The following ABCA8 variants were observed in gnomAD, a reference collection of about 807,000 sequenced individuals.
The protein encoded by ABCA8 is ATP binding cassette subfamily A member 8.
A neutral mutation model predicts 192.3 loss-of-function variants in ABCA8; 177 were observed. The observed-to-expected ratio is 0.92, with a 90% CI of 0.81 to 1.04. The LOEUF (loss-of-function observed/expected upper bound fraction) is 1.04. Among genes scored for constraint, ABCA8 ranks in the 50% least tolerant of loss-of-function variants. The pLI is 0.00. For missense variants in ABCA8, 1,915 were observed against 1,904.8 expected (o/e 1.01, Z -0.10); for synonymous variants, 642 against 690.2 (o/e 0.93, Z 1.09).
chr17:68,923,200 A>ATTT, intron 11 of ABCA8, among the ~76,000 whole-genome samples: 1 of 108,314 alleles, frequency 9.2e-6, no homozygotes, highest in Middle Eastern at 5.1e-3. Flanking sequence ...TATTATTATT[A>ATTT]TTATTATTTT....
At chr17:68,947,917 C>T (rs2068456875) in intron 2 of ABCA8, among the ~76,000 whole-genome samples, 1 of 151,970 alleles carries the variant, frequency 6.6e-6, no homozygotes, top group Non-Finnish European at 1.5e-5. Context: ...CTCAACAGGC[C>T]CTGGTGTGCA....
intron 21 of ABCA8, among the ~76,000 whole-genome samples, chr17:68,896,101 T>C (rs575766656): frequency 2.5e-4 from 37 of 150,782 alleles, no homozygotes; most frequent in African/African-American, 9.0e-4. Context: ...ATAAGAACAG[T>C]ATGTGCTGAA....
chr17:68,922,661 C>T (rs977649496), intron 11 of ABCA8, among the ~76,000 whole-genome samples: 3 of 152,110 alleles, frequency 2.0e-5, no homozygotes, highest in Admixed American at 6.6e-5. Flanking sequence ...ATTCGATACC[C>T]AAAGGCTCCT....
intron 21 of ABCA8, among the ~76,000 whole-genome samples, chr17:68,900,308 A>G (rs1035460477): frequency 2.0e-5 from 3 of 152,084 alleles, no homozygotes; most frequent in African/African-American, 7.2e-5. Flanking sequence ...AAAATGGAAT[A>G]TGTTTGTGTA....
At chr17:68,887,174 A>G (rs1296554821) in intron 25 of ABCA8, 44 bp from the exon 26 acceptor site, 10 of 1,439,348 alleles carry the variant, frequency 6.9e-6, no homozygotes, top group Non-Finnish European at 9.5e-6. Flanking sequence ...TACAAATGCA[A>G]TCAAGGAAAA....
chr17:68,876,390 A>G (rs917792065), intron 35 of ABCA8, 70 bp downstream of exon 35: 3 of 1,593,346 alleles, frequency 1.9e-6, no homozygotes, highest in Non-Finnish European at 1.7e-6. Flanking sequence ...CAATTTTTAC[A>G]GAAGAAAAAT....
At chr17:68,945,151 G>A (rs1029937443) in intron 2 of ABCA8, among the ~76,000 whole-genome samples, 1 of 151,954 alleles carries the variant, frequency 6.6e-6, no homozygotes, top group Non-Finnish European at 1.5e-5. Flanking sequence ...GGTGGAACAG[G>A]AACACAGAGA....
chr17:68,876,517 A>T lies in ABCA8; in HGVS notation c.4313T>A (p.Val1438Glu). The change falls in exon 35 of 40, where the codon GTG becomes GAG. Residue 1438 changes from valine to glutamate, a missense_variant. Val to Glu is a moderately radical substitution (Grantham distance 121, BLOSUM62 -2). Transcript: ENST00000586539. ...FVLSILGNPS[V>E]VLLDEPSTGM... ...GGTCGACGGCTCATCCAGAAGCACC[A>T]CTGACGGGTTCCCCAGTATGCTCAG... The T allele has an allele frequency of 6.2e-7, 1 of 1,613,984 alleles. No individual in the cohort carries two copies. The highest frequency in any genetic ancestry group is 8.5e-7 in the Non-Finnish European group (1 of 1,179,946).
chr17:68,884,338 A>G lies in ABCA8; in HGVS notation c.3608T>C (p.Phe1203Ser). 6.3e-7 allele frequency: 1 copy of G among 1,583,770 alleles called. No homozygotes were observed. Among genetic ancestry groups the G allele is most frequent in the Non-Finnish European group, 8.5e-7 (1 of 1,170,764 alleles). ...ERMDVQPFLVFLIPFLHFIIF... is the reference protein window; with the variant it reads ...ERMDVQPFLVSLIPFLHFIIF... ...AGAACAGTGTGTTCTTACAATTAGGAATACCAGAAATGGCTGTACATCCAT... is the reference window on the plus strand; with the variant it reads ...AGAACAGTGTGTTCTTACAATTAGGGATACCAGAAATGGCTGTACATCCAT... The change falls in exon 28 of 40, where the codon TTC becomes TCC. Residue 1203 changes from phenylalanine to serine, a missense_variant. Transcript: ENST00000586539.
At chr17:68,939,390 A>C (rs1362705944) in intron 4 of ABCA8, among the ~76,000 whole-genome samples, 3 of 151,998 alleles carry the variant, frequency 2.0e-5, no homozygotes, top group Non-Finnish European at 4.4e-5. Context: ...TGACCTGGGA[A>C]CTCAACAAGT....
intron 38 of ABCA8, 90 bp downstream of exon 38, chr17:68,869,610 G>A: frequency 2.1e-6 from 2 of 937,572 alleles, no homozygotes; most frequent in Non-Finnish European, 3.4e-6. Context: ...AATGCATTTT[G>A]TCACATTTCA....
At chr17:68,953,426 C>T (rs534934144) in intron 1 of ABCA8, among the ~76,000 whole-genome samples, 4 of 152,192 alleles carry the variant, frequency 2.6e-5, no homozygotes, top group African/African-American at 9.7e-5. Flanking sequence ...GGATCACACA[C>T]AGGGTGGTGC....
intron 29 of ABCA8, among the ~76,000 whole-genome samples, chr17:68,883,288 G>A (rs2143304285): frequency 6.6e-6 from 1 of 152,280 alleles, no homozygotes; most frequent in Admixed American, 6.5e-5. Context: ...GATGTGGTTT[G>A]GGAGACACAG....
intron 12 of ABCA8, among the ~76,000 whole-genome samples, chr17:68,921,914 A>C (rs1238298260): frequency 6.6e-5 from 10 of 152,132 alleles, no homozygotes; most frequent in Non-Finnish European, 1.5e-4. Context: ...CTTTTGGATT[A>C]CAGACAAAAA....
At chr17:68,937,178 C>A in intron 4 of ABCA8, 63 bp from the exon 5 acceptor site, 1 of 1,362,588 alleles carries the variant, frequency 7.3e-7, no homozygotes, top group Non-Finnish European at 9.9e-7. Flanking sequence ...TTCAGGATGT[C>A]ATGTTGAATT....
intron 16 of ABCA8, among the ~76,000 whole-genome samples, chr17:68,917,700 A>G (rs2067411113): frequency 6.6e-6 from 1 of 152,350 alleles, no homozygotes; most frequent in South Asian, 2.1e-4. Context: ...TTATCCCATT[A>G]TATATTTTAA....
In ABCA8 at chr17:68,921,552, C is replaced by T. The variant is rs2067534619; in HGVS notation, c.1502-60G>A. On this transcript the variant is annotated intron_variant, in intron 12 of 39. Transcript: ENST00000586539. Reference sequence around the variant, plus strand: ...ATAAAGGGATGGAAAACAATTAAAACCACAAAAAATATTCCATTATGGAGC... The same window carrying T: ...ATAAAGGGATGGAAAACAATTAAAATCACAAAAAATATTCCATTATGGAGC... 5 of 1,101,964 alleles carry T rather than the reference C, an allele frequency of 4.5e-6. 1 individual carries two copies. The highest frequency in any genetic ancestry group is 4.2e-4 in the Middle Eastern group (2 of 4,790). The allele number at this position is 1,101,964 out of a possible 1,614,324, so 68.3% of individuals were successfully genotyped here.
At chr17:68,954,978 T>C (rs191527477) in intron 1 of ABCA8, among the ~76,000 whole-genome samples, 1 of 152,330 alleles carries the variant, frequency 6.6e-6, no homozygotes, top group Admixed American at 6.5e-5. Context: ...AATGTTTGCA[T>C]AATTTTTTAA....
At chr17:68,910,332 A>T (rs2067201826) in intron 17 of ABCA8, among the ~76,000 whole-genome samples, 1 of 152,182 alleles carries the variant, frequency 6.6e-6, no homozygotes, top group Non-Finnish European at 1.5e-5. Flanking sequence ...GGGAGAGGAC[A>T]GTCATTGTGG....
Sources: gnomAD v4.1 joint callset for allele counts (sites outside exome capture counted in the v4.1 genomes callset) on GRCh38, gnomAD v4.1.1 for gene constraint, MANE v1.5 for transcripts, NCBI Gene and HGNC (gene_info 2026-07-23, HGNC 2026-07-21) for gene names.